The following LRATD1 variants were observed in gnomAD, a reference collection of about 807,000 sequenced individuals.
LRATD1 encodes LRAT domain containing 1.
A neutral mutation model predicts 21.3 loss-of-function variants in LRATD1; 8 were observed. That is an observed-to-expected ratio of 0.38 (90% CI 0.22 to 0.68). The LOEUF is 0.68. LRATD1 is among the 30% of genes least tolerant of loss of function. The probability of loss-of-function intolerance (pLI) is 0.54; values close to 1 mark genes in which losing one functional copy is unlikely to be tolerated. For missense variants in LRATD1, 380 were observed against 404.0 expected, an observed-to-expected ratio of 0.94 and a Z score of 0.51; for synonymous variants, 210 against 186.2, an observed-to-expected ratio of 1.13 and a Z score of -1.04.
downstream of LRATD1, among the ~76,000 whole-genome samples, chr2:14,643,484 T>C (rs879482414): frequency 3.3e-5 from 5 of 152,180 alleles, no homozygotes; most frequent in Non-Finnish European, 7.4e-5. Flanking sequence ...CATCCCCTGA[T>C]CTTCACAGTG....
In LRATD1 at chr2:14,633,781, C is replaced by G. The variant is rs887811304; in HGVS notation, c.-36-163C>G. On this transcript the variant is annotated intron_variant, in intron 1 of 1. Transcript: ENST00000295092. This position sits in a 1 kb window ranked among gnomAD's most constrained non-coding sequence, Gnocchi z 7.5. ...GACCTGTGGCGGCTTCTCCGCCCCTCGTACCCCTGGGGAGGCACGGAGGAC... is the reference window on the plus strand; with the variant it reads ...GACCTGTGGCGGCTTCTCCGCCCCTGGTACCCCTGGGGAGGCACGGAGGAC... 4 of 683,806 alleles carry G rather than the reference C, an allele frequency of 5.8e-6. 1 individual carries two copies. Among genetic ancestry groups the G allele is most frequent in the Middle Eastern group, 4.1e-4 (1 of 2,428 alleles). The allele number at this position is 683,806 out of a possible 1,614,324, so 42.4% of individuals were successfully genotyped here.
chr2:14,642,283 G>C (rs1254155355), downstream of LRATD1, among the ~76,000 whole-genome samples: 12 of 152,152 alleles, frequency 7.9e-5, no homozygotes, highest in African/African-American at 2.9e-4. Flanking sequence ...GCTATACAGA[G>C]TTTAAAAGGT....
At position 14,633,078 on chromosome 2, in the gene LRATD1, A is replaced by G. The variant is rs542484116; in HGVS notation, c.-37+141A>G. ...CACACACGCTCCCACCCACACCCAC[A>G]CACATACACTGCACTGGCTTTCTCC... On this transcript the variant is annotated intron_variant, in intron 1 of 1. Coordinates refer to ENST00000295092, the MANE Select transcript of LRATD1 (RefSeq NM_145175.4). This position sits in a 1 kb window ranked among gnomAD's most constrained non-coding sequence, Gnocchi z 7.5. 2.0e-3 allele frequency: 306 copies of G among 152,840 alleles called. No individual in the cohort carries two copies. Among genetic ancestry groups the G allele is most frequent in the Non-Finnish European group, 3.3e-3 (229 of 68,464 alleles). 9.5% of individuals were successfully genotyped at this position (152,840 alleles called of 1,614,324 possible). A position where few individuals can be genotyped will look rare whatever the true frequency, so the allele number is the denominator to read the frequency against.
downstream of LRATD1, among the ~76,000 whole-genome samples, chr2:14,641,257 C>G (rs560884409): frequency 3.9e-5 from 6 of 152,178 alleles, no homozygotes; most frequent in African/African-American, 1.2e-4. Flanking sequence ...CAAATTCAGT[C>G]CCAGGAATGA....
Position 14,635,731 on chromosome 2 carries a change from T to C in LRATD1, c.*873T>C, listed in dbSNP as rs1330115850. On this transcript the variant is annotated 3_prime_UTR_variant, in exon 2 of 2. Transcript: ENST00000295092. ...TTGAATGTGTGAAGGGCGCTTATTG[T>C]TCTGAACCCTTGATTGCTCCCTCCT... 3 of 409,980 alleles carry C rather than the reference T, an allele frequency of 7.3e-6. No homozygotes were observed. Among genetic ancestry groups the C allele is most frequent in the Middle Eastern group, 6.0e-4 (1 of 1,676 alleles). 25.4% of individuals were successfully genotyped at this position (409,980 alleles called of 1,614,324 possible).
Position 14,635,596 on chromosome 2 carries a change from A to C in LRATD1, c.*738A>C, listed in dbSNP as rs542074799. The C allele has an allele frequency of 4.0e-5, 19 of 471,026 alleles. No individual in the cohort carries two copies. Among genetic ancestry groups the C allele is most frequent in the African/African-American group, 3.8e-4 (19 of 50,180 alleles). The allele number at this position is 471,026 out of a possible 1,614,324, so 29.2% of individuals were successfully genotyped here. ...TTGCCTGCGAGTCTCCCTCGCTGGC[A>C]GAAGGGAAGCCGGCCCGGTCCCGGG... On this transcript the variant is annotated 3_prime_UTR_variant, in exon 2 of 2. Coordinates refer to ENST00000295092, the MANE Select transcript of LRATD1 (RefSeq NM_145175.4).
rs961463402 is a variant in LRATD1, at chr2:14,637,350, G to T, written c.*2492G>T. ...ATACTAAGATTTATTTCCTCTGATGGTACATAGATTTCTCTCTCACTAAGA... is the reference window on the plus strand; with the variant it reads ...ATACTAAGATTTATTTCCTCTGATGTTACATAGATTTCTCTCTCACTAAGA... On this transcript the variant is annotated 3_prime_UTR_variant, in exon 2 of 2. Coordinates refer to ENST00000295092, the MANE Select transcript of LRATD1 (RefSeq NM_145175.4). 1.2e-5 allele frequency: 2 copies of T among 166,966 alleles called. No homozygotes were observed. The highest frequency in any genetic ancestry group is 6.5e-5 in the Admixed American group (1 of 15,278). The allele number at this position is 166,966 out of a possible 1,614,324, so 10.3% of individuals were successfully genotyped here.
rs1671712133 is a variant in LRATD1 at position 14,637,423 on chromosome 2, G to C, written c.*2565G>C. The C allele has an allele frequency of 6.0e-6, 1 of 166,978 alleles. No individual in the cohort carries two copies. The highest frequency in any genetic ancestry group is 1.5e-5 in the Non-Finnish European group (1 of 68,106). The allele number at this position is 166,978 out of a possible 1,614,324, so 10.3% of individuals were successfully genotyped here. Reference sequence around the variant, plus strand: ...TCTTGTCAGTTTTATACTTGCTGAGGCTAGACTGACAATAAAAATGAGCTG... The same window carrying C: ...TCTTGTCAGTTTTATACTTGCTGAGCCTAGACTGACAATAAAAATGAGCTG... On this transcript the variant is annotated 3_prime_UTR_variant, in exon 2 of 2. Transcript: ENST00000295092.
chr2:14,635,541 G>T lies in LRATD1; in HGVS notation c.*683G>T, dbSNP rs1201865058. 6.4e-6 allele frequency: 3 copies of T among 470,984 alleles called. No homozygotes were observed. Among genetic ancestry groups the T allele is most frequent in the Admixed American group, 4.7e-5 (2 of 42,570 alleles). 29.2% of individuals were successfully genotyped at this position (470,984 alleles called of 1,614,324 possible). Reference sequence around the variant, plus strand: ...GTGTTTGCCTCCGGTTCTTTCCACCGTGGGAAGCGAACGCCACCCCCACCC... The same window carrying T: ...GTGTTTGCCTCCGGTTCTTTCCACCTTGGGAAGCGAACGCCACCCCCACCC... On this transcript the variant is annotated 3_prime_UTR_variant, in exon 2 of 2. Coordinates refer to ENST00000295092, the MANE Select transcript of LRATD1 (RefSeq NM_145175.4).
At chr2:14,651,202 CTT>C, downstream of LRATD1, among the ~76,000 whole-genome samples, 1 of 150,954 alleles carries the variant, frequency 6.6e-6, no homozygotes, top group East Asian at 1.9e-4. Flanking sequence ...CATATTGTTT[CTT>C]TTTTTTTCAC....
Position 14,635,222 on chromosome 2 carries a change from C to T in LRATD1, c.*364C>T, listed in dbSNP as rs997697136. Reference sequence around the variant, plus strand: ...GAGTCCATGGCCAGTGACTGTGGCCCGACTCGAAAACAACCCTCTTCTCAA... The same window carrying T: ...GAGTCCATGGCCAGTGACTGTGGCCTGACTCGAAAACAACCCTCTTCTCAA... On this transcript the variant is annotated 3_prime_UTR_variant, in exon 2 of 2. Transcript: ENST00000295092. 5 of 566,496 alleles carry T rather than the reference C, an allele frequency of 8.8e-6. No individual in the cohort carries two copies. Among genetic ancestry groups the T allele is most frequent in the African/African-American group, 7.5e-5 (4 of 53,558 alleles). 35.1% of individuals were successfully genotyped at this position (566,496 alleles called of 1,614,324 possible).
intron 4 of LRATD1, among the ~76,000 whole-genome samples, chr2:14,648,797 G>A (rs1282245672): frequency 1.3e-5 from 2 of 152,194 alleles, no homozygotes. Context: ...TTCTCCTGGT[G>A]TTCATACTCA....
At chr2:14,645,652 G>A (rs1671880459) in intron 2 of LRATD1, among the ~76,000 whole-genome samples, 1 of 152,126 alleles carries the variant, frequency 6.6e-6, no homozygotes, top group African/African-American at 2.4e-5. Flanking sequence ...CTATCCATCA[G>A]GGTAATTTTA....
rs1437895904 is a variant in LRATD1 at position 14,634,701 on chromosome 2, A to G, written c.722A>G (p.Gln241Arg). 6.4e-7 allele frequency: 1 copy of G among 1,551,906 alleles called. No individual in the cohort carries two copies. The highest frequency in any genetic ancestry group is 8.7e-7 in the Non-Finnish European group (1 of 1,147,138). Reference protein sequence around the residue: ...EVPAGTQPPQQQYYLKVHLGE... With the variant: ...EVPAGTQPPQRQYYLKVHLGE... ...CCGGCAGGCACGCAGCCCCCGCAGC[A>G]GCAGTACTATCTCAAGGTGCACCTG... Residue 241 changes from glutamine (Q) to arginine (R), a missense_variant, in exon 2 of 2, where the codon CAG becomes CGG. Transcript: ENST00000295092.
At position 14,634,832 on chromosome 2, in the gene LRATD1, G is replaced by C; in HGVS notation, c.853G>C (p.Ala285Pro). 1 of 1,609,356 alleles carries C rather than the reference G, an allele frequency of 6.2e-7. No individual in the cohort carries two copies. The highest frequency in any genetic ancestry group is 8.5e-7 in the Non-Finnish European group (1 of 1,177,186). The change falls in exon 2 of 2, where the codon GCC (alanine) becomes CCC (proline). Residue 285 changes from alanine to proline, a missense_variant. Coordinates refer to ENST00000295092, the MANE Select transcript of LRATD1 (RefSeq NM_145175.4). ...CCGCCTGCGAGTGCTCCAGGAGCTC[G>C]CCGACCTCGTGGACGACAAGGAGTA... ...SGRLRVLQEL[A>P]DLVDDKE
At position 14,635,392 on chromosome 2, in the gene LRATD1, G is replaced by A. The variant is rs1249130852; in HGVS notation, c.*534G>A. ...AATCGAGCCTGTCCCTTGTGCACTT[G>A]GGAATAATTCCCCAAGACAGCACTT... is the stretch of plus-strand genomic sequence containing the variant. On this transcript the variant is annotated 3_prime_UTR_variant, in exon 2 of 2. Coordinates refer to ENST00000295092, the MANE Select transcript of LRATD1 (RefSeq NM_145175.4). 3 of 472,416 alleles carry A rather than the reference G, an allele frequency of 6.4e-6. No individual in the cohort carries two copies. Among genetic ancestry groups the A allele is most frequent in the South Asian group, 4.6e-5 (3 of 64,580 alleles). 29.3% of individuals were successfully genotyped at this position (472,416 alleles called of 1,614,324 possible).
At chr2:14,642,194 T>C (rs1341335522), downstream of LRATD1, 1 of 152,628 alleles carries the variant, frequency 6.6e-6, no homozygotes, top group Non-Finnish European at 1.5e-5. Context: ...CAGTAGAAAT[T>C]TAGTTTCTGT....
At position 14,634,129 on chromosome 2, in the gene LRATD1, C is replaced by G. The variant is rs764712944; in HGVS notation, c.150C>G (p.Pro50=). The G allele has an allele frequency of 1.2e-6, 2 of 1,613,994 alleles. No homozygotes were observed. The highest frequency in any genetic ancestry group is 1.7e-6 in the Non-Finnish European group (2 of 1,180,038). The change falls in exon 2 of 2, where the codon CCC becomes CCG. Residue 50 remains proline (P), a synonymous_variant. Coordinates refer to ENST00000295092, the MANE Select transcript of LRATD1 (RefSeq NM_145175.4). ...AAGACCTGGACGAACGCGGGCAGCC[C>G]GACAAGTTTGGCGTGAAGGCCCCCC... The part of the protein sequence containing the change: ...DEEDLDERGQ[P]DKFGVKAPPG...
At chr2:14,644,229 T>A (rs1022388068), downstream of LRATD1, among the ~76,000 whole-genome samples, 2 of 152,132 alleles carry the variant, frequency 1.3e-5, no homozygotes, top group African/African-American at 4.8e-5. Flanking sequence ...TACCCAGGTA[T>A]AATTTTTTAA....
Sources: allele counts gnomAD v4.1 joint callset (sites outside exome capture counted in the v4.1 genomes callset), GRCh38; gene constraint gnomAD v4.1.1; non-coding constraint Gnocchi (gnomAD v3.1); transcripts MANE v1.5; gene names NCBI Gene and HGNC (gene_info 2026-07-23, HGNC 2026-07-21).